The following MYCBP2 variants were observed in gnomAD, a reference collection of about 807,000 sequenced individuals.
The protein encoded by MYCBP2 is E3 ubiquitin-protein ligase MYCBP2.
In MYCBP2, 120 loss-of-function variants were observed where a neutral mutation model predicts 525.3. The ratio of observed to expected loss-of-function variants is 0.23; its 90% CI spans 0.20 to 0.27. MYCBP2 has a LOEUF of 0.27. Among genes scored for constraint, MYCBP2 ranks in the 10% least tolerant of loss-of-function variants. The pLI, the probability that MYCBP2 is intolerant of heterozygous loss-of-function variation, is 1.00. For missense variants in MYCBP2, 4,149 were observed against 5,657.1 expected, an observed-to-expected ratio of 0.73 and a Z score of 8.55; for synonymous variants, 1,894 against 1,955.8, an observed-to-expected ratio of 0.97 and a Z score of 0.83.
chr13:77,090,077 T>C, intron 60 of MYCBP2, 29 bp downstream of exon 60: 2 of 1,577,488 alleles, frequency 1.3e-6, no homozygotes, highest in Non-Finnish European at 1.7e-6. Flanking sequence ...GTCAGATCAC[T>C]CAATATTCTT....
chr13:77,201,510 C>A (rs1216550218), intron 26 of MYCBP2, among the ~76,000 whole-genome samples: 1 of 152,012 alleles, frequency 6.6e-6, no homozygotes, highest in Non-Finnish European at 1.5e-5. Flanking sequence ...CAAGGATATC[C>A]AGGAATTGAA....
intron 52 of MYCBP2, among the ~76,000 whole-genome samples, chr13:77,137,576 G>A (rs2053948520): frequency 6.6e-6 from 1 of 151,964 alleles, no homozygotes; most frequent in Admixed American, 6.6e-5. Flanking sequence ...AACATAGTGA[G>A]ACCCCATCTC....
At chr13:77,095,948 G>C (rs976371665) in intron 57 of MYCBP2, among the ~76,000 whole-genome samples, 4 of 151,954 alleles carry the variant, frequency 2.6e-5, no homozygotes, top group Non-Finnish European at 4.4e-5. Context: ...AGAAAAGAGA[G>C]AGTAGATATG....
chr13:77,070,382 A>C (rs2040974546), intron 69 of MYCBP2, among the ~76,000 whole-genome samples: 2 of 152,316 alleles, frequency 1.3e-5, no homozygotes, highest in Middle Eastern at 3.4e-3. Context: ...ACAAATTCAT[A>C]AACTTTCTTA....
At position 77,095,619 on chromosome 13, in the gene MYCBP2, T is replaced by C. The variant is rs2046120548; in HGVS notation, c.9955-17A>G. ...TTGTTTGACCTGGCGAAGAAAAAAA[T>C]CAAACTAATCTTTTCTGACTTACAT... is the stretch of plus-strand genomic sequence containing the variant. On this transcript the variant is annotated splice_polypyrimidine_tract_variant and intron_variant, in intron 57 of 82. Coordinates refer to ENST00000544440, the MANE Select transcript of MYCBP2 (RefSeq NM_015057.5). 6.2e-7 allele frequency: 1 copy of C among 1,606,378 alleles called. No homozygotes were observed. The highest frequency in any genetic ancestry group is 1.3e-5 in the African/African-American group (1 of 74,698).
intron 1 of MYCBP2, among the ~76,000 whole-genome samples, chr13:77,324,103 C>T (rs975608423): frequency 3.3e-5 from 5 of 152,138 alleles, no homozygotes; most frequent in Non-Finnish European, 7.4e-5. Context: ...AAACACATTC[C>T]ATTCACTCCT....
At chr13:77,146,364 A>G in intron 47 of MYCBP2, 147 bp from the exon 48 acceptor site, 1 of 405,176 alleles carries the variant, frequency 2.5e-6, no homozygotes, top group Non-Finnish European at 4.3e-6. Flanking sequence ...ACTTTAGACC[A>G]TTTATTAAAG....
chr13:77,059,659 T>C (rs779575935), intron 76 of MYCBP2, 33 bp from the exon 77 acceptor site: 1 of 1,484,948 alleles, frequency 6.7e-7, no homozygotes, highest in South Asian at 1.1e-5. Context: ...AAATCCTTCT[T>C]ATGGATGTTT....
At chr13:77,161,589 A>G (rs913162110) in intron 44 of MYCBP2, among the ~76,000 whole-genome samples, 4 of 152,112 alleles carry the variant, frequency 2.6e-5, no homozygotes, top group African/African-American at 9.7e-5. Context: ...AAAAAGAAAA[A>G]CAAATTCTTT....
Position 77,061,252 on chromosome 13 carries a change from C to T in MYCBP2, c.12953G>A (p.Cys4318Tyr). The part of the protein sequence containing the change: ...EAIKVDLHEG[C>Y]GRTKLFWLMA... The stretch of plus-strand genomic sequence containing the variant: ...CAACCAGAACAATTTGGTTCTACCA[C>T]AACCTTCATGAAGGTCAACCTTTAT... The change falls in exon 76 of 83, where the codon TGT becomes TAT. Residue 4318 changes from cysteine (C) to tyrosine (Y), a missense_variant. Cys to Tyr is a radical substitution (Grantham distance 194, BLOSUM62 -2). Around this residue, in one of 21 missense-constraint regions of MYCBP2, gnomAD observed 220 missense variants for 396.0 expected, o/e 0.56. Transcript: ENST00000544440. 1 of 1,612,404 alleles carries T rather than the reference C, an allele frequency of 6.2e-7. No individual in the cohort carries two copies. Among genetic ancestry groups the T allele is most frequent in the Non-Finnish European group, 8.5e-7 (1 of 1,179,182 alleles).
At chr13:77,151,035 T>C in intron 46 of MYCBP2, 86 bp from the exon 47 acceptor site, 1 of 1,048,122 alleles carries the variant, frequency 9.5e-7, no homozygotes, top group Non-Finnish European at 1.4e-6. Flanking sequence ...TATAAACTCA[T>C]AATTATGTAT....
intron 6 of MYCBP2, 107 bp downstream of exon 6, chr13:77,270,189 A>G: frequency 2.1e-6 from 3 of 1,425,674 alleles, no homozygotes; most frequent in Non-Finnish European, 2.8e-6. Flanking sequence ...AAATATTATT[A>G]CACTAAAATT....
intron 68 of MYCBP2, chr13:77,075,398 T>A (rs1459755342): frequency 6.6e-6 from 1 of 152,144 alleles, no homozygotes; most frequent in Non-Finnish European, 1.5e-5. Context: ...CAGTATAACC[T>A]TTCCTACTCA....
chr13:77,205,301 A>T lies in MYCBP2; in HGVS notation c.3798T>A (p.Gly1266=). ...CTCCTCTACCTCCAAACAGACCAAG[A>T]CCACCAAGTAAAATATCAGTGTCGG... ...FSADTDILLG[G]LGLFGGRGEY... The change falls in exon 26 of 83, where the codon GGT becomes GGA. Residue 1266 remains glycine, a synonymous_variant. Transcript: ENST00000544440. 6.2e-7 allele frequency: 1 copy of T among 1,613,698 alleles called. No individual in the cohort carries two copies. The highest frequency in any genetic ancestry group is 8.5e-7 in the Non-Finnish European group (1 of 1,179,770).
chr13:77,140,232 G>T, intron 50 of MYCBP2, 69 bp from the exon 51 acceptor site: 3 of 958,320 alleles, frequency 3.1e-6, no homozygotes, highest in Non-Finnish European at 4.7e-6. Context: ...GTAGCAAGAA[G>T]TAAAATTAAG....
chr13:77,095,292 T>C lies in MYCBP2; in HGVS notation c.10199+66A>G. Reference sequence around the variant, plus strand: ...GTGTAGGTCAAATACCGAACTACCCTAGATATCAATAAACAATCGCTGTTA... The same window carrying C: ...GTGTAGGTCAAATACCGAACTACCCCAGATATCAATAAACAATCGCTGTTA... On this transcript the variant is annotated intron_variant, in intron 58 of 82. Coordinates refer to ENST00000544440, the MANE Select transcript of MYCBP2 (RefSeq NM_015057.5). The C allele has an allele frequency of 5.7e-6, 9 of 1,578,506 alleles. 1 individual carries two copies. In the South Asian group the frequency reaches 1.0e-4, roughly 18 times the overall value.
Position 77,081,762 on chromosome 13 carries a change from T to G in MYCBP2, c.11193+75A>C. 1.3e-6 allele frequency: 2 copies of G among 1,542,594 alleles called. No individual in the cohort carries two copies. The highest frequency in any genetic ancestry group is 2.5e-5 in the South Asian group (2 of 79,168). On this transcript the variant is annotated intron_variant, in intron 64 of 82. Coordinates refer to ENST00000544440, the MANE Select transcript of MYCBP2 (RefSeq NM_015057.5). This position sits in a 1 kb window ranked among gnomAD's most constrained non-coding sequence, Gnocchi z 4.6. ...ATGGAAGACAGGATCAAATTGATTATGAATAACTTACAGTTTCTCCTTTGA... is the reference window on the plus strand; with the variant it reads ...ATGGAAGACAGGATCAAATTGATTAGGAATAACTTACAGTTTCTCCTTTGA...
At chr13:77,286,922 T>C (rs1449333581) in intron 3 of MYCBP2, among the ~76,000 whole-genome samples, 1 of 146,978 alleles carries the variant, frequency 6.8e-6, no homozygotes, top group Non-Finnish European at 1.5e-5. Context: ...TCTAGCTCTG[T>C]TGTCCAGGCT....
chr13:77,271,294 T>C (rs1262081732), intron 5 of MYCBP2, among the ~76,000 whole-genome samples: 1 of 152,186 alleles, frequency 6.6e-6, no homozygotes, highest in African/African-American at 2.4e-5. Flanking sequence ...ATAAATAGTG[T>C]TTTATTTGCA....
Sources: gnomAD v4.1 joint callset for allele counts (sites outside exome capture counted in the v4.1 genomes callset) on GRCh38, gnomAD v4.1.1 for gene constraint, gnomAD v4.1.1 regional missense constraint, Gnocchi (gnomAD v3.1) non-coding constraint, MANE v1.5 for transcripts, NCBI Gene and HGNC (gene_info 2026-07-23, HGNC 2026-07-21) for gene names.